The following PDE11A variants were observed in gnomAD, a reference collection of about 807,000 sequenced individuals.
PDE11A encodes phosphodiesterase 11A.
A neutral mutation model predicts 100.5 loss-of-function variants in PDE11A; 100 were observed. The observed-to-expected ratio is 1.00, with a 90% CI of 0.85 to 1.18. The LOEUF is 1.18. Among genes scored for constraint, PDE11A ranks in the 50% most tolerant of loss-of-function variants. The probability of loss-of-function intolerance (pLI) is 0.00; values close to 1 mark genes in which losing one functional copy is unlikely to be tolerated. For missense variants in PDE11A, 1,141 were observed against 1,152.6 expected, an observed-to-expected ratio of 0.99 and a Z score of 0.15; for synonymous variants, 381 against 420.8, an observed-to-expected ratio of 0.91 and a Z score of 1.16.
At chr2:177,829,774 T>C (rs983475789) in intron 6 of PDE11A, among the ~76,000 whole-genome samples, 3 of 152,060 alleles carry the variant, frequency 2.0e-5, no homozygotes, top group African/African-American at 4.8e-5. Context: ...AATTCTAAGA[T>C]GGCCTCTAAG....
At chr2:177,909,832 GT>G (rs907087152) in intron 2 of PDE11A, among the ~76,000 whole-genome samples, 3 of 152,042 alleles carry the variant, frequency 2.0e-5, no homozygotes, top group African/African-American at 7.2e-5. Flanking sequence ...ATCTTAAAAG[GT>G]AAGGTAGTTG....
intron 16 of PDE11A, chr2:177,677,736 G>A (rs1432642681): frequency 6.6e-6 from 1 of 152,138 alleles, no homozygotes; most frequent in East Asian, 1.9e-4. Flanking sequence ...AAACAAATGA[G>A]CAGTTCTATG....
chr2:177,791,707 G>T (rs2082635649), intron 9 of PDE11A, among the ~76,000 whole-genome samples: 1 of 151,958 alleles, frequency 6.6e-6, no homozygotes, highest in East Asian at 1.9e-4. Context: ...TATAGTATAT[G>T]TTTCTTAAAT....
intron 16 of PDE11A, among the ~76,000 whole-genome samples, chr2:177,676,458 T>G (rs1331144780): frequency 6.6e-6 from 1 of 152,222 alleles, no homozygotes; most frequent in African/African-American, 2.4e-5. Flanking sequence ...TGTTAACATT[T>G]CATACCCTGC....
At chr2:177,697,490 T>A (rs539216677) in intron 14 of PDE11A, 58 bp from the exon 15 acceptor site, 1 of 853,800 alleles carries the variant, frequency 1.2e-6, no homozygotes, top group South Asian at 1.3e-5. Context: ...GTTGATTACA[T>A]GTTTTTCCTC....
intron 5 of PDE11A, among the ~76,000 whole-genome samples, chr2:177,847,027 A>T (rs1034171417): frequency 2.6e-5 from 4 of 152,108 alleles, no homozygotes; most frequent in African/African-American, 9.7e-5. Flanking sequence ...TTAACATGTC[A>T]CCCATGATCA....
At chr2:178,072,879 A>G, upstream of PDE11A, 1 of 1,136,332 alleles carries the variant, frequency 8.8e-7, no homozygotes, top group Non-Finnish European at 1.1e-6. Context: ...CGCGGACGCC[A>G]GACCAGCCAA....
chr2:177,838,955 A>G (rs906489109), intron 6 of PDE11A, among the ~76,000 whole-genome samples: 6 of 152,196 alleles, frequency 3.9e-5, no homozygotes, highest in Non-Finnish European at 8.8e-5. Context: ...GAGCAGCTGG[A>G]AAGGCACCCA....
chr2:177,953,450 G>A (rs1350250284), intron 2 of PDE11A, among the ~76,000 whole-genome samples: 2 of 152,130 alleles, frequency 1.3e-5, no homozygotes, highest in Non-Finnish European at 2.9e-5. Context: ...TTAAAGAAAA[G>A]TGAATATCCT....
In PDE11A at chr2:177,898,116, T is replaced by C. The variant is rs764685495; in HGVS notation, c.1244A>G (p.Gln415Arg). 1 of 1,612,078 alleles carries C rather than the reference T, an allele frequency of 6.2e-7. No individual in the cohort carries two copies. Among genetic ancestry groups the C allele is most frequent in the South Asian group, 1.1e-5 (1 of 91,026 alleles). ...ACAGCGTTCACATTTCAGCAGAGTTTGGGCCCGATGCATTATTTTCTTGAC... is the reference window on the plus strand; with the variant it reads ...ACAGCGTTCACATTTCAGCAGAGTTCGGGCCCGATGCATTATTTTCTTGAC... ...KIVKKIMHRA[Q>R]TLLKCERCSV... Residue 415 changes from glutamine (Q) to arginine (R), a missense_variant, in exon 4 of 20, where the codon CAA becomes CGA. Physicochemically the swap from Gln to Arg is conservative, Grantham distance 43. Transcript: ENST00000286063.
intron 15 of PDE11A, among the ~76,000 whole-genome samples, chr2:177,685,246 T>C (rs1282158224): frequency 6.6e-6 from 1 of 152,222 alleles, no homozygotes; most frequent in Non-Finnish European, 1.5e-5. Context: ...TCCTAATTTT[T>C]CTAGGGGCTT....
At chr2:177,710,749 T>G (rs1293429440) in intron 13 of PDE11A, among the ~76,000 whole-genome samples, 1 of 151,896 alleles carries the variant, frequency 6.6e-6, no homozygotes, top group Non-Finnish European at 1.5e-5. Context: ...AGATCAGGAG[T>G]AAATACAAGA....
intron 15 of PDE11A, among the ~76,000 whole-genome samples, chr2:177,694,552 T>A (rs1284317292): frequency 6.6e-6 from 1 of 152,224 alleles, no homozygotes; most frequent in Non-Finnish European, 1.5e-5. Flanking sequence ...ACATAGGTAC[T>A]GTTATCTCCA....
intron 19 of PDE11A, among the ~76,000 whole-genome samples, chr2:177,658,136 C>A (rs2080417876): frequency 6.6e-6 from 1 of 152,178 alleles, no homozygotes; most frequent in African/African-American, 2.4e-5. Context: ...TCTCAGTTAA[C>A]CCAGAAAGAC....
At chr2:177,996,231 T>TA (rs71010848) in intron 2 of PDE11A, among the ~76,000 whole-genome samples, 21 of 147,132 alleles carry the variant, frequency 1.4e-4, no homozygotes, top group African/African-American at 5.3e-4. Context: ...CCGTCTCAAA[T>TA]AAAAAAAAAA....
At chr2:177,684,468 A>G (rs544658183) in intron 15 of PDE11A, among the ~76,000 whole-genome samples, 1 of 152,320 alleles carries the variant, frequency 6.6e-6, no homozygotes, top group East Asian at 1.9e-4. Context: ...AATAAAGACA[A>G]GATCTGAACT....
chr2:177,694,248 A>G (rs777516777), intron 15 of PDE11A, among the ~76,000 whole-genome samples: 8 of 152,210 alleles, frequency 5.3e-5, no homozygotes, highest in Non-Finnish European at 1.2e-4. Context: ...GAGCTTGATA[A>G]ATGGACTCTG....
chr2:177,962,872 A>G (rs1488658583), intron 2 of PDE11A, among the ~76,000 whole-genome samples: 2 of 152,188 alleles, frequency 1.3e-5, no homozygotes, highest in African/African-American at 2.4e-5. Flanking sequence ...AAATCTCATA[A>G]ATTTTCTGAT....
At chr2:178,088,072 C>T (rs2087380817) in intron 2 of PDE11A, among the ~76,000 whole-genome samples, 1 of 152,172 alleles carries the variant, frequency 6.6e-6, no homozygotes, top group Admixed American at 6.5e-5. Context: ...CAACCCCTGA[C>T]TCACATGATG....
Sources: allele counts gnomAD v4.1 joint callset (sites outside exome capture counted in the v4.1 genomes callset), GRCh38; gene constraint gnomAD v4.1.1; transcripts MANE v1.5; gene names NCBI Gene and HGNC (gene_info 2026-07-23, HGNC 2026-07-21).